The following RAB27B variants were observed in gnomAD, a reference collection of about 807,000 sequenced individuals.
RAB27B encodes RAB27B, member RAS oncogene family.
RAB27B carries 15 observed loss-of-function variants against 24.6 expected under a neutral mutation model. That is an observed-to-expected ratio of 0.61 (90% CI 0.41 to 0.94). The LOEUF (loss-of-function observed/expected upper bound fraction) is 0.94, where lower values mean the gene tolerates loss of function less well. Ranked by LOEUF, RAB27B falls within the 40% of genes least tolerant of loss-of-function variation. RAB27B has a pLI of 0.00. For synonymous variants in RAB27B, 105 were observed against 92.5 expected, an observed-to-expected ratio of 1.14 and a Z score of -0.78; for missense variants, 261 against 266.8, an observed-to-expected ratio of 0.98 and a Z score of 0.15.
Position 54,768,628 on chromosome 18 carries a change from A to G in RAB27B, c.-20+50487A>G, listed in dbSNP as rs28589886. On this transcript the variant is annotated intron_variant, in intron 2 of 4. Coordinates refer to the RAB27B transcript ENST00000586570. ...TTTTCTCACACTGCCATGAATAAAT[A>G]GCTGAGACTGGGTAATTTATCAAGG... 1.2e-3 allele frequency among the ~76,000 whole-genome samples: 186 copies of G among 152,294 alleles called. 1 individual carries two copies. Among genetic ancestry groups the G allele is most frequent in the African/African-American group, 4.4e-3 (181 of 41,574 alleles).
At position 54,886,791 on chromosome 18, in the gene RAB27B, A is replaced by G. The variant is rs555751604; in HGVS notation, c.344-1204A>G. ...AGATAATTAATTGTCATGCCTAATA[A>G]CACTTTAATTTTTAACACCCAAGTA... is the stretch of plus-strand genomic sequence containing the variant. On this transcript the variant is annotated intron_variant, in intron 4 of 5. Coordinates refer to ENST00000262094, the MANE Select transcript of RAB27B (RefSeq NM_004163.4). Among the ~76,000 whole-genome samples the G allele has an allele frequency of 3.3e-5, 5 of 152,246 alleles. No homozygotes were observed. The South Asian group carries it at 8.3e-4, about 25-fold the overall frequency.
chr18:54,839,483 C>G (rs1421422251), intron 1 of RAB27B, among the ~76,000 whole-genome samples: 2 of 152,086 alleles, frequency 1.3e-5, no homozygotes, highest in Non-Finnish European at 2.9e-5. Context: ...TTTAGGTAAC[C>G]CAATTACCAA....
chr18:54,720,722 AG>A (rs1002000560), intron 2 of RAB27B, among the ~76,000 whole-genome samples: 4 of 152,120 alleles, frequency 2.6e-5, no homozygotes, highest in Admixed American at 1.3e-4. Flanking sequence ...TAAGTCATCC[AG>A]GGACCAATGG....
intron 1 of RAB27B, among the ~76,000 whole-genome samples, chr18:54,844,403 CTTTTCTT>C (rs1911237950): frequency 1.0e-5 from 1 of 95,272 alleles, no homozygotes; most frequent in Non-Finnish European, 1.9e-5. Flanking sequence ...TCTTTCTTTT[CTTTTCTT>C]TTTTTTTTTT....
At chr18:54,865,878 T>C (rs989013878) in intron 1 of RAB27B, among the ~76,000 whole-genome samples, 3 of 152,230 alleles carry the variant, frequency 2.0e-5, no homozygotes, top group Admixed American at 2.0e-4. Context: ...TGCCTTCATA[T>C]GGTAATTATA....
intron 1 of RAB27B, among the ~76,000 whole-genome samples, chr18:54,842,960 AATT>A (rs1251309511): frequency 2.0e-5 from 3 of 152,004 alleles, no homozygotes; most frequent in African/African-American, 4.8e-5. Flanking sequence ...ACGCCCAGCT[AATT>A]TTTTTGTATT....
chr18:54,765,967 T>G (rs771166528), intron 2 of RAB27B, among the ~76,000 whole-genome samples: 1 of 152,184 alleles, frequency 6.6e-6, no homozygotes, highest in Non-Finnish European at 1.5e-5. Flanking sequence ...TTAAACCAGT[T>G]TGTTTACAGC....
chr18:54,821,355 A>C (rs1264050082), intron 2 of RAB27B, among the ~76,000 whole-genome samples: 6 of 152,204 alleles, frequency 3.9e-5, no homozygotes, highest in Admixed American at 2.6e-4. Context: ...CTTCAAGAAG[A>C]ACTGCAAACC....
chr18:54,749,878 C>A (rs548937016), intron 2 of RAB27B, among the ~76,000 whole-genome samples: 46 of 152,196 alleles, frequency 3.0e-4, no homozygotes, highest in African/African-American at 1.1e-3. Context: ...GTGTTTTATA[C>A]TGTCAATTAA....
intron 2 of RAB27B, among the ~76,000 whole-genome samples, chr18:54,804,896 T>C (rs1239261417): frequency 9.3e-4 from 17 of 18,238 alleles, no homozygotes; most frequent in East Asian, 0.013. Context: ...TTCTTTCTCT[T>C]TCTCTCTCTC....
At chr18:54,874,627 T>C (rs1028574263) in intron 1 of RAB27B, among the ~76,000 whole-genome samples, 8 of 151,830 alleles carry the variant, frequency 5.3e-5, no homozygotes, top group Non-Finnish European at 1.0e-4. Context: ...TCTTATTGAC[T>C]CCATTCTTTT....
intron 1 of RAB27B, among the ~76,000 whole-genome samples, chr18:54,866,062 G>A (rs1308417318): frequency 6.6e-6 from 1 of 151,962 alleles, no homozygotes; most frequent in Non-Finnish European, 1.5e-5. Context: ...TCAACATTCT[G>A]GAAAGTTTTA....
At chr18:54,872,854 T>C (rs895381714) in intron 1 of RAB27B, among the ~76,000 whole-genome samples, 3 of 152,092 alleles carry the variant, frequency 2.0e-5, no homozygotes, top group Non-Finnish European at 4.4e-5. Context: ...TCAACAAATA[T>C]GTATTGAGCT....
rs56409312 is a variant in RAB27B at position 54,873,685 on chromosome 18, CTGTGTGTGTGTGTGTGTGTGTG to C, written c.-19-3859_-19-3838del. ...ATAAAAAGAGGAGCTGAGCCAAATC[CTGTGTGTGTGTGTGTGTGTGTG>C]TGTGTGTGTGTGTGTGTGTGTGAGT... On this transcript the variant is annotated intron_variant, in intron 1 of 5. Coordinates refer to ENST00000262094, the MANE Select transcript of RAB27B (RefSeq NM_004163.4). Among the ~76,000 whole-genome samples the C allele has an allele frequency of 1.6e-4, 23 of 140,758 alleles. 1 individual carries two copies. The highest frequency in any genetic ancestry group is 2.9e-4 in the Non-Finnish European group (19 of 65,160). The allele number at this position is 140,758 out of a possible 152,430, so 92.3% of individuals were successfully genotyped here.
chr18:54,785,969 CTA>C (rs767222417), intron 2 of RAB27B, among the ~76,000 whole-genome samples: 20 of 152,304 alleles, frequency 1.3e-4, no homozygotes, highest in Non-Finnish European at 2.5e-4. Context: ...GGGTGCAAAA[CTA>C]TGTTAGTCTG....
At chr18:54,810,146 A>G (rs1909917692) in intron 2 of RAB27B, among the ~76,000 whole-genome samples, 1 of 152,156 alleles carries the variant, frequency 6.6e-6, no homozygotes, top group African/African-American at 2.4e-5. Context: ...AAGGATAAAG[A>G]GTTAAATTAA....
At chr18:54,718,817 T>C (rs959973741) in intron 2 of RAB27B, among the ~76,000 whole-genome samples, 2 of 152,210 alleles carry the variant, frequency 1.3e-5, no homozygotes, top group African/African-American at 4.8e-5. Flanking sequence ...GAAAATTCTT[T>C]TTGAGTATTT....
chr18:54,842,131 A>G (rs2145202733), intron 1 of RAB27B, among the ~76,000 whole-genome samples: 1 of 152,346 alleles, frequency 6.6e-6, no homozygotes, highest in Admixed American at 6.5e-5. Context: ...TCACAGGGAA[A>G]TTTAGTTCTG....
chr18:54,877,704 C>A lies in RAB27B; in HGVS notation c.119C>A (p.Thr40Asn). The A allele has an allele frequency of 6.3e-7, 1 of 1,592,814 alleles. No individual in the cohort carries two copies. Among genetic ancestry groups the A allele is most frequent in the Non-Finnish European group, 8.5e-7 (1 of 1,174,312 alleles). The change falls in exon 2 of 6, where the codon ACT (threonine) becomes AAT (asparagine). Residue 40 changes from threonine (T) to asparagine (N), a missense_variant. Coordinates refer to ENST00000262094, the MANE Select transcript of RAB27B (RefSeq NM_004163.4). ...TDNKFNPKFI[T>N]TVGIDFREKR... ...AATAAATTCAATCCCAAATTCATCA[C>A]TACAGTAGGAATAGACTTTCGGGAA...
Sources: allele counts gnomAD v4.1 joint callset (sites outside exome capture counted in the v4.1 genomes callset), GRCh38; gene constraint gnomAD v4.1.1; transcripts MANE v1.5; gene names NCBI Gene and HGNC (gene_info 2026-07-23, HGNC 2026-07-21).